The following KAZN variants were observed in gnomAD, a reference collection of about 807,000 sequenced individuals.
The protein encoded by KAZN is kazrin, periplakin interacting protein.
A neutral mutation model predicts 87.4 loss-of-function variants in KAZN; 40 were observed. The ratio of observed to expected loss-of-function variants is 0.46; its 90% confidence interval spans 0.36 to 0.60. KAZN has a LOEUF of 0.60. Among genes scored for constraint, KAZN ranks in the 20% least tolerant of loss-of-function variants. The pLI is 0.00. For missense variants in KAZN, 898 were observed against 1,073.9 expected (o/e 0.84, Z 2.29); for synonymous variants, 466 against 458.3 (o/e 1.02, Z -0.22).
chr1:14,395,916 C>A (rs967631386), intron 2 of KAZN, among the ~76,000 whole-genome samples: 9 of 152,068 alleles, frequency 5.9e-5, no homozygotes, highest in Non-Finnish European at 1.2e-4. Context: ...TGCCTGTAAT[C>A]CCAGCACTTT....
At chr1:14,880,093 G>GT (rs1178859221) in intron 1 of KAZN, among the ~76,000 whole-genome samples, 3 of 152,152 alleles carry the variant, frequency 2.0e-5, no homozygotes, top group Non-Finnish European at 4.4e-5. Flanking sequence ...TTAGGATGAG[G>GT]TTCTGTCGTA....
At chr1:14,815,943 T>C (rs948515357) in intron 1 of KAZN, among the ~76,000 whole-genome samples, 5 of 152,130 alleles carry the variant, frequency 3.3e-5, no homozygotes, top group African/African-American at 1.2e-4. Flanking sequence ...GAACCCCGAG[T>C]ACACACAACC....
chr1:14,464,687 T>C (rs1420793616), intron 2 of KAZN, among the ~76,000 whole-genome samples: 1 of 151,902 alleles, frequency 6.6e-6, no homozygotes, highest in African/African-American at 2.4e-5. Flanking sequence ...TACAGATACA[T>C]GCCACCATGC....
chr1:14,585,186 T>C (rs2148569755), intron 2 of KAZN, among the ~76,000 whole-genome samples: 2 of 152,296 alleles, frequency 1.3e-5, no homozygotes, highest in Middle Eastern at 6.8e-3. Context: ...TCTGAGGAAA[T>C]ACATTTCTGT....
rs546780175 is a variant in KAZN at position 14,270,650 on chromosome 1, A to G, written c.249+90058A>G. Among the ~76,000 whole-genome samples the G allele has an allele frequency of 5.9e-5, 9 of 152,318 alleles. No individual in the cohort carries two copies. The South Asian group carries it at 6.2e-4, about 11-fold the overall frequency. Reference sequence around the variant, plus strand: ...AGTTTATGTTAATTAATATGAGTCCACAATAAGCAATTGAATGATGAGAAT... The same window carrying G: ...AGTTTATGTTAATTAATATGAGTCCGCAATAAGCAATTGAATGATGAGAAT... On this transcript the variant is annotated intron_variant, in intron 2 of 16. Transcript: ENST00000636203.
At chr1:14,874,183 G>C (rs1234859589) in intron 1 of KAZN, among the ~76,000 whole-genome samples, 1 of 152,188 alleles carries the variant, frequency 6.6e-6, no homozygotes, top group African/African-American at 2.4e-5. Flanking sequence ...CCAGACAAGT[G>C]AGTACAGATA....
chr1:14,306,983 G>A (rs908741864), intron 2 of KAZN, among the ~76,000 whole-genome samples: 14 of 152,186 alleles, frequency 9.2e-5, no homozygotes, highest in African/African-American at 3.1e-4. Context: ...CATGAGTGAC[G>A]TCCAATTCTA....
chr1:14,160,774 T>G (rs573333258), intron 1 of KAZN, among the ~76,000 whole-genome samples: 8 of 152,222 alleles, frequency 5.3e-5, no homozygotes, highest in Admixed American at 2.6e-4. Flanking sequence ...TCTATTCTCA[T>G]GTAGGATGTA....
chr1:14,391,968 A>G (rs1662475957), intron 2 of KAZN, among the ~76,000 whole-genome samples: 1 of 152,122 alleles, frequency 6.6e-6, no homozygotes, highest in African/African-American at 2.4e-5. Flanking sequence ...ACTTCTCCAA[A>G]TCCCCACTTG....
intron 1 of KAZN, among the ~76,000 whole-genome samples, chr1:13,935,972 CTAT>C (rs1425950770): frequency 6.8e-6 from 1 of 146,262 alleles, no homozygotes; most frequent in South Asian, 2.2e-4. Flanking sequence ...AATATATATA[CTAT>C]TATATGATTT....
intron 1 of KAZN, among the ~76,000 whole-genome samples, chr1:14,173,200 C>A (rs1198566383): frequency 6.6e-6 from 1 of 152,130 alleles, no homozygotes; most frequent in Non-Finnish European, 1.5e-5. Context: ...AAGAAATAAC[C>A]ACACCAATAA....
chr1:14,341,053 A>G (rs113575020), intron 2 of KAZN, among the ~76,000 whole-genome samples: 2,977 of 134,216 alleles, frequency 0.022, 41 homozygotes, highest in Middle Eastern at 0.05. Flanking sequence ...ATGCCCAGCT[A>G]ATTTTTGTAT....
At position 15,114,459 on chromosome 1, in the gene KAZN, T is replaced by C; in HGVS notation, c.2164-12T>C. 6.2e-7 allele frequency: 1 copy of C among 1,601,752 alleles called. No individual in the cohort carries two copies. The highest frequency in any genetic ancestry group is 8.5e-7 in the Non-Finnish European group (1 of 1,172,752). ...TTCTTCCTGTCCTTTGATCATATTC[T>C]TCTCTTCTCAGCTGCCCCTGGGGAA... On this transcript the variant is annotated splice_polypyrimidine_tract_variant and intron_variant, in intron 14 of 14. Transcript: ENST00000376030.
At chr1:14,412,106 TAGGAAAGAGG>T (rs906269111) in intron 2 of KAZN, among the ~76,000 whole-genome samples, 5 of 152,078 alleles carry the variant, frequency 3.3e-5, no homozygotes, top group African/African-American at 4.8e-5. Flanking sequence ...CAGGGGGTCA[TAGGAAAGAGG>T]AGGAAAGTGT....
intron 13 of KAZN, among the ~76,000 whole-genome samples, chr1:15,108,041 C>T (rs1042475151): frequency 6.6e-6 from 1 of 152,202 alleles, no homozygotes; most frequent in African/African-American, 2.4e-5. Flanking sequence ...GAGTCCCCTT[C>T]TGTCAGTTTG....
At chr1:14,133,282 G>T (rs1023441772) in intron 1 of KAZN, among the ~76,000 whole-genome samples, 1 of 151,246 alleles carries the variant, frequency 6.6e-6, no homozygotes, top group Non-Finnish European at 1.5e-5. Context: ...AAGGAGAATG[G>T]CTTGGACCTG....
intron 1 of KAZN, among the ~76,000 whole-genome samples, chr1:13,904,383 G>T (rs986154765): frequency 2.6e-5 from 4 of 152,144 alleles, no homozygotes; most frequent in African/African-American, 7.2e-5. Context: ...GGTTGGAGAA[G>T]TTGGGTTGTA....
chr1:15,001,774 G>T (rs966417316), intron 2 of KAZN, among the ~76,000 whole-genome samples: 2 of 151,884 alleles, frequency 1.3e-5, no homozygotes, highest in East Asian at 3.9e-4. Context: ...TGTTCAGAAG[G>T]TTCGTGAGGA....
At chr1:14,482,670 C>T (rs544034707) in intron 2 of KAZN, among the ~76,000 whole-genome samples, 3 of 151,756 alleles carry the variant, frequency 2.0e-5, no homozygotes, top group East Asian at 1.9e-4. Flanking sequence ...GGGGCAAGGG[C>T]GGGTGAGGGG....
Sources: gnomAD v4.1 joint callset for allele counts (sites outside exome capture counted in the v4.1 genomes callset) on GRCh38, gnomAD v4.1.1 for gene constraint, MANE v1.5 for transcripts, NCBI Gene and HGNC (gene_info 2026-07-23, HGNC 2026-07-21) for gene names.